Variants in DDC observed in about 807,000 individuals in gnomAD.
The protein encoded by DDC is aromatic-L-amino-acid decarboxylase.
In DDC, 43 loss-of-function variants were observed where a neutral mutation model predicts 60.0. The ratio of observed to expected loss-of-function variants is 0.72; its 90% CI spans 0.56 to 0.92. DDC has a LOEUF of 0.92. DDC is among the 40% of genes least tolerant of loss of function. The pLI, the probability that DDC is intolerant of heterozygous loss-of-function variation, is 0.00. For synonymous variants in DDC, 232 were observed against 234.6 expected (o/e 0.99, Z 0.10); for missense variants, 573 against 620.2 (o/e 0.92, Z 0.81).
chr7:50,484,823 G>A lies in DDC; in HGVS notation c.945-4960C>T, dbSNP rs139143217. 2.2e-3 allele frequency among the ~76,000 whole-genome samples: 330 copies of A among 152,200 alleles called. 1 individual carries two copies. The highest frequency in any genetic ancestry group is 7.6e-3 in the African/African-American group (316 of 41,522). On this transcript the variant is annotated intron_variant, in intron 9 of 14. Transcript: ENST00000444124. ...TTGGGTTGAAAGCCTGGCTCCTTAC[G>A]TTTTCTTTTTTAAAAAATCTACAAC...
At chr7:50,549,156 A>G (rs2044900269) in intron 1 of DDC, among the ~76,000 whole-genome samples, 1 of 152,242 alleles carries the variant, frequency 6.6e-6, no homozygotes. Context: ...AGCAAGATGT[A>G]CAAGGAAATT....
chr7:50,535,160 CTT>C (rs140912314), intron 4 of DDC, among the ~76,000 whole-genome samples: 1 of 146,606 alleles, frequency 6.8e-6, no homozygotes. Context: ...TCTTTTCTTT[CTT>C]TTTTTTTTTT....
intron 14 of DDC, among the ~76,000 whole-genome samples, chr7:50,462,838 C>T (rs953597385): frequency 2.8e-5 from 4 of 142,660 alleles, no homozygotes; most frequent in Non-Finnish European, 4.5e-5. Context: ...GGCGCGATCT[C>T]GGCTCACGGC....
Position 50,543,973 on chromosome 7 carries a change from AG to A in DDC, c.112del (p.Leu38CysfsTer4). ...GGCAGCGGCAGGGATCAGCGGCCGC[AG>A]GTACCCGGGCTCCACGTCAGGGTAG... ...QVYPDVEPGYLRPLIPAAAPQ... is the reference protein window; with the variant it reads ...QVYPDVEPGYXRPLIPAAAPQ... On this transcript the variant is annotated frameshift_variant, in exon 2 of 15. Transcript: ENST00000444124. LOFTEE classifies it high-confidence loss of function. 1 of 1,614,174 alleles carries A rather than the reference AG, an allele frequency of 6.2e-7. No individual in the cohort carries two copies. The highest frequency in any genetic ancestry group is 8.5e-7 in the Non-Finnish European group (1 of 1,180,036).
At chr7:50,547,118 A>C (rs2044832445) in intron 1 of DDC, among the ~76,000 whole-genome samples, 1 of 152,206 alleles carries the variant, frequency 6.6e-6, no homozygotes, top group Non-Finnish European at 1.5e-5. Flanking sequence ...TTTAACTCAA[A>C]TGGTATCACA....
At chr7:50,540,185 T>C in intron 2 of DDC, 157 bp from the exon 3 acceptor site, 1 of 678,974 alleles carries the variant, frequency 1.5e-6, no homozygotes, top group Non-Finnish European at 2.7e-6. Flanking sequence ...CCCATTACCT[T>C]CCTCCATTAT....
chr7:50,495,443 A>G, intron 8 of DDC, 26 bp from the exon 9 acceptor site: 1 of 1,552,470 alleles, frequency 6.4e-7, no homozygotes, highest in Non-Finnish European at 8.9e-7. Context: ...AGTAAGAAAA[A>G]GAAAACATTT....
chr7:50,559,428 CTTTTTTT>C (rs60591197), intron 1 of DDC, among the ~76,000 whole-genome samples: 13,100 of 143,344 alleles, frequency 0.091, 1,172 homozygotes, highest in African/African-American at 0.24. Context: ...CAGAACATTT[CTTTTTTT>C]TTTTTTTTTG....
At chr7:50,492,986 T>A in intron 9 of DDC, 1 of 1,598,282 alleles carries the variant, frequency 6.3e-7, no homozygotes, top group Non-Finnish European at 8.5e-7. Flanking sequence ...AGCCTTAACA[T>A]ACGCACTGGT....
intron 10 of DDC, among the ~76,000 whole-genome samples, chr7:50,477,799 G>T (rs112566921): frequency 1.3e-5 from 2 of 152,140 alleles, no homozygotes; most frequent in Non-Finnish European, 2.9e-5. Context: ...TAGTAAGGGA[G>T]CTTGTTAAAC....
intron 2 of DDC, among the ~76,000 whole-genome samples, chr7:50,543,639 G>A (rs935123739): frequency 6.6e-6 from 1 of 152,160 alleles, no homozygotes; most frequent in African/African-American, 2.4e-5. Context: ...GGGGGAAAGA[G>A]CCTCACTGCC....
In DDC at chr7:50,479,692, A is replaced by T. The variant is rs971473432; in HGVS notation, c.1021+95T>A. On this transcript the variant is annotated intron_variant, in intron 10 of 14. Coordinates refer to ENST00000444124, the MANE Select transcript of DDC (RefSeq NM_001082971.2). ...CTTCTCTGTGAAAGCCTCCTTGGAT[A>T]TGGATGGTCTTCCCCTAACTCCCAG... 1.1e-5 allele frequency: 12 copies of T among 1,056,530 alleles called. No homozygotes were observed. The African/African-American group carries it at 1.9e-4, about 16-fold the overall frequency. The allele number at this position is 1,056,530 out of a possible 1,614,324, so 65.4% of individuals were successfully genotyped here. A position where few individuals can be genotyped will look rare whatever the true frequency, so the allele number is the denominator to read the frequency against.
chr7:50,532,611 A>C (rs756871810), intron 4 of DDC, among the ~76,000 whole-genome samples: 193 of 152,252 alleles, frequency 1.3e-3, no homozygotes, highest in Non-Finnish European at 1.7e-3. Context: ...ATCAATCTTC[A>C]TAAATACTTT....
In DDC at chr7:50,459,113, C is replaced by G. The variant is rs1056636502; in HGVS notation, c.*19-270G>C. Among the ~76,000 whole-genome samples, 250 of 152,350 alleles carry G rather than the reference C, an allele frequency of 1.6e-3. 3 individuals carry two copies. Among genetic ancestry groups the G allele is most frequent in the East Asian group, 4.1e-3 (21 of 5,174 alleles). Reference sequence around the variant, plus strand: ...CTGCGATTGCAGGCGCGCACCACCACGCCTGACTGGTTTTCGTATTTTTTT... The same window carrying G: ...CTGCGATTGCAGGCGCGCACCACCAGGCCTGACTGGTTTTCGTATTTTTTT... On this transcript the variant is annotated intron_variant, in intron 14 of 14. Coordinates refer to ENST00000444124, the MANE Select transcript of DDC (RefSeq NM_001082971.2).
chr7:50,473,769 G>A (rs997728054), intron 11 of DDC, among the ~76,000 whole-genome samples: 7 of 152,250 alleles, frequency 4.6e-5, no homozygotes, highest in Admixed American at 6.5e-5. Context: ...TGCCACAAGC[G>A]GCAAGAGGAG....
At chr7:50,477,651 T>TA (rs1208849852) in intron 10 of DDC, 2 of 405,780 alleles carry the variant, frequency 4.9e-6, no homozygotes, top group Non-Finnish European at 9.9e-6. Context: ...TCCACTAGCA[T>TA]AAAAAATGGC....
At chr7:50,550,267 A>T (rs2044947279) in intron 1 of DDC, among the ~76,000 whole-genome samples, 1 of 152,256 alleles carries the variant, frequency 6.6e-6, no homozygotes, top group Admixed American at 6.5e-5. Flanking sequence ...TTGCTGAAGG[A>T]TCAGATGATC....
chr7:50,487,510 CT>C (rs976693947), intron 9 of DDC, among the ~76,000 whole-genome samples: 1 of 151,090 alleles, frequency 6.6e-6, no homozygotes, highest in African/African-American at 2.4e-5. Flanking sequence ...TCTATTTAAT[CT>C]TTTTTTTTGT....
intron 14 of DDC, among the ~76,000 whole-genome samples, chr7:50,459,880 T>A (rs1377230528): frequency 9.0e-6 from 1 of 110,892 alleles, no homozygotes. Flanking sequence ...GGGAGGGAGG[T>A]GGGGGGGTCA....
Sources: allele counts gnomAD v4.1 joint callset (sites outside exome capture counted in the v4.1 genomes callset), GRCh38; gene constraint gnomAD v4.1.1; transcripts MANE v1.5; gene names NCBI Gene and HGNC (gene_info 2026-07-23, HGNC 2026-07-21).